The following NTMT2 variants were observed in gnomAD, a reference collection of about 807,000 sequenced individuals.
NTMT2 encodes the protein N-terminal Xaa-Pro-Lys N-methyltransferase 2.
Under a neutral mutation model 23.4 loss-of-function variants are expected in NTMT2, and 21 were observed. That is an observed-to-expected ratio of 0.90 (90% CI 0.64 to 1.29). The LOEUF (loss-of-function observed/expected upper bound fraction) is 1.29, where lower values mean the gene tolerates loss of function less well. Among genes scored for constraint, NTMT2 ranks in the 50% most tolerant of loss-of-function variants. NTMT2 has a pLI of 0.00. For missense variants in NTMT2, 336 were observed against 352.0 expected (o/e 0.95, Z 0.36); for synonymous variants, 131 against 127.7 (o/e 1.03, Z -0.17).
intron 1 of NTMT2, among the ~76,000 whole-genome samples, chr1:170,151,974 T>TA (rs1673078598): frequency 6.6e-6 from 1 of 152,186 alleles, no homozygotes; most frequent in Non-Finnish European, 1.5e-5. Context: ...GGAGGACAGG[T>TA]ATTTCATAAA....
chr1:170,152,935 G>A (rs558228697), intron 1 of NTMT2, among the ~76,000 whole-genome samples: 2 of 152,292 alleles, frequency 1.3e-5, no homozygotes, highest in African/African-American at 4.8e-5. Flanking sequence ...GGTAGGAGGT[G>A]TTTGGGTCAT....
intron 1 of NTMT2, among the ~76,000 whole-genome samples, chr1:170,155,426 A>G (rs1000279681): frequency 2.7e-5 from 4 of 147,290 alleles, no homozygotes; most frequent in Non-Finnish European, 6.0e-5. Flanking sequence ...CTTTTTTCCT[A>G]TTTTACCATT....
Position 170,146,164 on chromosome 1 carries a change from T to C in NTMT2, c.57T>C (p.Asp19=). The change falls in exon 1 of 4, where the codon GAT becomes GAC. Residue 19 remains aspartate, a synonymous_variant. Transcript: ENST00000439373. ...GATCCCGCTGGCAGAAGACCGACGA[T>C]GAACTCTGTAGACATAGCATGTCTT... The part of the protein sequence containing the change: ...AFRSRWQKTD[D]ELCRHSMSFI... 1 of 1,551,616 alleles carries C rather than the reference T, an allele frequency of 6.4e-7. No individual in the cohort carries two copies. The highest frequency in any genetic ancestry group is 8.7e-7 in the Non-Finnish European group (1 of 1,146,960).
chr1:170,165,446 A>G (rs1673361837), intron 2 of NTMT2, among the ~76,000 whole-genome samples: 1 of 152,176 alleles, frequency 6.6e-6, no homozygotes, highest in Admixed American at 6.5e-5. Flanking sequence ...TAAAAGACAC[A>G]AGGAAACTTT....
chr1:170,162,247 G>T (rs1319540784), intron 2 of NTMT2, among the ~76,000 whole-genome samples: 1 of 152,224 alleles, frequency 6.6e-6, no homozygotes, highest in Middle Eastern at 3.2e-3. Flanking sequence ...ATTGGTTTGA[G>T]ATTTGGTGCC....
chr1:170,167,479 C>T lies in NTMT2; in HGVS notation c.581-7C>T. On this transcript the variant is annotated splice_region_variant and splice_polypyrimidine_tract_variant and intron_variant, in intron 3 of 3. Transcript: ENST00000439373. ...CTGTTCCCCCATCCACTTGGTCTCCCTTGTAGGGCACCTGACTGATAAGGA... is the reference window on the plus strand; with the variant it reads ...CTGTTCCCCCATCCACTTGGTCTCCTTTGTAGGGCACCTGACTGATAAGGA... 1.3e-6 allele frequency: 2 copies of T among 1,542,800 alleles called. No homozygotes were observed. The highest frequency in any genetic ancestry group is 1.8e-6 in the Non-Finnish European group (2 of 1,142,484).
At chr1:170,159,420 GGTTTTTTTTTTTTTTT>G (rs1214170394) in intron 1 of NTMT2, among the ~76,000 whole-genome samples, 4 of 88,224 alleles carry the variant, frequency 4.5e-5, no homozygotes, top group Admixed American at 4.3e-4. Context: ...TTTATGCTCT[GGTTTTTTTTTTTTTTT>G]TTTTTTTTTG....
chr1:170,161,950 C>T (rs756682189), intron 2 of NTMT2, among the ~76,000 whole-genome samples: 6 of 151,978 alleles, frequency 3.9e-5, no homozygotes, highest in Non-Finnish European at 5.9e-5. Context: ...ATTAGCCGGG[C>T]GTGGTGTTGC....
Position 170,160,633 on chromosome 1 carries a change from C to A in NTMT2, c.270C>A (p.Phe90Leu), listed in dbSNP as rs1189429283. The change falls in exon 2 of 4, where the codon TTC (phenylalanine) becomes TTA (leucine). Residue 90 changes from phenylalanine to leucine, a missense_variant. Physicochemically the swap from Phe to Leu is conservative, Grantham distance 22. Transcript: ENST00000439373. ...PATEEGMMGN[F>L]IELSSPDIQA... ...CAGAAGAGGGTATGATGGGAAATTT[C>A]ATTGAACTGTCCAGCCCAGACATCC... The A allele has an allele frequency of 6.4e-7, 1 of 1,551,438 alleles. No individual in the cohort carries two copies. Among genetic ancestry groups the A allele is most frequent in the East Asian group, 2.4e-5 (1 of 40,916 alleles).
Position 170,167,874 on chromosome 1 carries a change from T to C in NTMT2, c.*117T>C, listed in dbSNP as rs745838735. Reference sequence around the variant, plus strand: ...ATGGCAAGAAAAGGGATACAACATATGTCTGCAAATTATTTGTGATATAAT... The same window carrying C: ...ATGGCAAGAAAAGGGATACAACATACGTCTGCAAATTATTTGTGATATAAT... On this transcript the variant is annotated 3_prime_UTR_variant, in exon 4 of 4. Transcript: ENST00000439373. 1 of 1,070,142 alleles carries C rather than the reference T, an allele frequency of 9.3e-7. No homozygotes were observed. The highest frequency in any genetic ancestry group is 1.3e-6 in the Non-Finnish European group (1 of 760,858). 66.3% of individuals were successfully genotyped at this position (1,070,142 alleles called of 1,614,324 possible).
At chr1:170,153,468 C>T (rs886837200) in intron 1 of NTMT2, among the ~76,000 whole-genome samples, 1 of 152,192 alleles carries the variant, frequency 6.6e-6, no homozygotes, top group Admixed American at 6.5e-5. Context: ...GTGACAAGGA[C>T]AGTGAGGCCA....
At chr1:170,152,698 C>G (rs1673093052) in intron 1 of NTMT2, among the ~76,000 whole-genome samples, 1 of 150,752 alleles carries the variant, frequency 6.6e-6, no homozygotes, top group Non-Finnish European at 1.5e-5. Context: ...TCACCAGAAA[C>G]ACTGATAAAT....
In NTMT2 at chr1:170,168,125, ATGG is replaced by A; in HGVS notation, c.*373_*375del. ...GTCTTTCACAACATCCTAGACAAAA[ATGG>A]TGGTTTTTTTTTTGTTTTTCCATCA... is the stretch of plus-strand genomic sequence containing the variant. On this transcript the variant is annotated 3_prime_UTR_variant, in exon 4 of 4. Transcript: ENST00000439373. Among the ~76,000 whole-genome samples, 1 of 139,742 alleles carries A rather than the reference ATGG, an allele frequency of 7.2e-6. No homozygotes were observed. The highest frequency in any genetic ancestry group is 2.0e-4 in the East Asian group (1 of 5,058). The allele number at this position is 139,742 out of a possible 152,430, so 91.7% of individuals were successfully genotyped here. A position where few individuals can be genotyped will look rare whatever the true frequency, so the allele number is the denominator to read the frequency against.
At chr1:170,158,425 A>AT (rs368688987) in intron 1 of NTMT2, among the ~76,000 whole-genome samples, 19 of 151,836 alleles carry the variant, frequency 1.3e-4, no homozygotes, top group African/African-American at 3.9e-4. Context: ...TGTGTTGTGT[A>AT]TTTTTTTTCC....
rs974844489 is a variant in NTMT2 at position 170,167,683 on chromosome 1, G to A, written c.778G>A (p.Glu260Lys). 3.2e-6 allele frequency: 5 copies of A among 1,551,568 alleles called. No individual in the cohort carries two copies. The African/African-American group carries it at 5.5e-5, about 17-fold the overall frequency. The change falls in exon 4 of 4, where the codon GAG becomes AAG. Residue 260 changes from glutamate (E) to lysine (K), a missense_variant. Glu to Lys is a moderately conservative substitution (Grantham distance 56). Coordinates refer to ENST00000439373, the MANE Select transcript of NTMT2 (RefSeq NM_001136107.2). ...RKSGLVVLGQ[E>K]KQDGFPEQCI... is the part of the protein sequence containing the mutation. ...GAGTGGGCTGGTGGTGCTGGGCCAGGAGAAGCAGGATGGCTTCCCAGAGCA... is the reference window on the plus strand; with the variant it reads ...GAGTGGGCTGGTGGTGCTGGGCCAGAAGAAGCAGGATGGCTTCCCAGAGCA...
At position 170,167,469 on chromosome 1, in the gene NTMT2, C is replaced by T. The variant is rs1176457300; in HGVS notation, c.581-17C>T. 1.3e-6 allele frequency: 2 copies of T among 1,528,952 alleles called. No individual in the cohort carries two copies. The highest frequency in any genetic ancestry group is 1.8e-6 in the Non-Finnish European group (2 of 1,133,650). 94.7% of individuals were successfully genotyped at this position (1,528,952 alleles called of 1,614,324 possible). ...CCATTTCTTCCTGTTCCCCCATCCACTTGGTCTCCCTTGTAGGGCACCTGA... is the reference window on the plus strand; with the variant it reads ...CCATTTCTTCCTGTTCCCCCATCCATTTGGTCTCCCTTGTAGGGCACCTGA... On this transcript the variant is annotated splice_polypyrimidine_tract_variant and intron_variant, in intron 3 of 3. Coordinates refer to ENST00000439373, the MANE Select transcript of NTMT2 (RefSeq NM_001136107.2).
chr1:170,166,455 T>TC (rs1345713730), intron 2 of NTMT2, 47 bp from the exon 3 acceptor site: 3 of 1,547,720 alleles, frequency 1.9e-6, no homozygotes, highest in African/African-American at 2.7e-5. Context: ...TGTGCAATTT[T>TC]CAAGGATGGG....
chr1:170,168,416 G>A lies in NTMT2; in HGVS notation c.*659G>A, dbSNP rs1168709868. Among the ~76,000 whole-genome samples, 1 of 152,072 alleles carries A rather than the reference G, an allele frequency of 6.6e-6. No homozygotes were observed. The highest frequency in any genetic ancestry group is 1.5e-5 in the Non-Finnish European group (1 of 68,018). On this transcript the variant is annotated 3_prime_UTR_variant, in exon 4 of 4. Coordinates refer to ENST00000439373, the MANE Select transcript of NTMT2 (RefSeq NM_001136107.2). The stretch of plus-strand genomic sequence containing the variant: ...CCTCTTTGGTACTACTACTTCTCTT[G>A]AACAAACATCTCCCTCTAATTAAGA...
chr1:170,167,938 T>G lies in NTMT2; in HGVS notation c.*181T>G, dbSNP rs1446554760. 1.5e-6 allele frequency: 1 copy of G among 673,602 alleles called. No homozygotes were observed. Among genetic ancestry groups the G allele is most frequent in the African/African-American group, 1.8e-5 (1 of 55,140 alleles). 41.7% of individuals were successfully genotyped at this position (673,602 alleles called of 1,614,324 possible). A position where few individuals can be genotyped will look rare whatever the true frequency, so the allele number is the denominator to read the frequency against. On this transcript the variant is annotated 3_prime_UTR_variant, in exon 4 of 4. Coordinates refer to ENST00000439373, the MANE Select transcript of NTMT2 (RefSeq NM_001136107.2). ...CAGTGATTATATAATGCACACACTC[T>G]GATGAGACATGCACAAATTCTGTGG...
Sources: allele counts gnomAD v4.1 joint callset (sites outside exome capture counted in the v4.1 genomes callset), GRCh38; gene constraint gnomAD v4.1.1; transcripts MANE v1.5; gene names NCBI Gene and HGNC (gene_info 2026-07-23, HGNC 2026-07-21).